Variants in DCAF8L2 observed in about 807,000 individuals in gnomAD.
DCAF8L2 encodes DDB1 and CUL4 associated factor 8 like 2.
For missense variants in DCAF8L2, 430 were observed against 490.7 expected (o/e 0.88, Z 1.17); for synonymous variants, 200 against 190.9 (o/e 1.05, Z -0.39).
At chrX:27,513,561 T>C in the DCAF8L2 span, among the ~76,000 whole-genome samples, 3 of 109,792 alleles carry the variant, frequency 2.7e-5, no homozygotes, top group Non-Finnish European at 5.7e-5. Flanking sequence ...AAAAATTAGC[T>C]GGGCGTGGTG....
At chrX:27,494,374 C>G in the DCAF8L2 span, among the ~76,000 whole-genome samples, 2 of 111,160 alleles carry the variant, frequency 1.8e-5, no homozygotes, top group African/African-American at 6.6e-5. Flanking sequence ...CCACTGCACT[C>G]TAGCCTGGGC....
At chrX:27,626,890 A>C (rs2147163976) in intron 1 of DCAF8L2, among the ~76,000 whole-genome samples, 1 of 111,757 alleles carries the variant, frequency 8.9e-6, no homozygotes, top group East Asian at 2.8e-4. Context: ...AAGGGACATA[A>C]ATTTGAATGT....
intron 2 of DCAF8L2, among the ~76,000 whole-genome samples, chrX:27,667,893 A>T (rs182755452): frequency 1.8e-5 from 2 of 112,405 alleles, no homozygotes; most frequent in East Asian, 5.6e-4. Context: ...AGACTTCTAT[A>T]GCATGAATTT....
At chrX:27,615,813 T>C (rs979044547) in intron 1 of DCAF8L2, among the ~76,000 whole-genome samples, 7 of 111,508 alleles carry the variant, frequency 6.3e-5, no homozygotes, top group African/African-American at 2.3e-4. Flanking sequence ...AGATCTACAA[T>C]GTCATTAAAA....
At chrX:27,743,443 T>G (rs1240941347) in intron 4 of DCAF8L2, among the ~76,000 whole-genome samples, 2 of 108,299 alleles carry the variant, frequency 1.8e-5, no homozygotes, top group Non-Finnish European at 3.8e-5. Context: ...CGTCACCCAG[T>G]CTGGAGTGCA....
chrX:27,653,932 A>G (rs1929251126), intron 2 of DCAF8L2, among the ~76,000 whole-genome samples: 1 of 111,744 alleles, frequency 8.9e-6, no homozygotes, highest in Non-Finnish European at 1.9e-5. Flanking sequence ...ATACAAATGC[A>G]GTGTCATGGG....
At chrX:27,471,010 T>C in the DCAF8L2 span, among the ~76,000 whole-genome samples, 1 of 111,623 alleles carries the variant, frequency 9.0e-6, no homozygotes, top group Non-Finnish European at 1.9e-5. Context: ...CCACATTCCC[T>C]GCTTGTGACA....
the DCAF8L2 span, among the ~76,000 whole-genome samples, chrX:27,556,695 A>C: frequency 8.9e-6 from 1 of 111,959 alleles, no homozygotes; most frequent in Non-Finnish European, 1.9e-5. Flanking sequence ...AAAATCACCC[A>C]AGCAAGTGTA....
chrX:27,554,872 C>G, the DCAF8L2 span, among the ~76,000 whole-genome samples: 1 of 111,517 alleles, frequency 9.0e-6, no homozygotes, highest in African/African-American at 3.3e-5. Flanking sequence ...CAGACATGCA[C>G]CAGAACAGAG....
upstream of DCAF8L2, among the ~76,000 whole-genome samples, chrX:27,589,084 A>G (rs1009900458): frequency 1.3e-4 from 12 of 92,468 alleles, no homozygotes; most frequent in Admixed American, 1.2e-3. Context: ...CTCAATCAGG[A>G]CAAGTTCTTA....
chrX:27,478,618 A>C, the DCAF8L2 span, among the ~76,000 whole-genome samples: 1 of 112,333 alleles, frequency 8.9e-6, no homozygotes, highest in African/African-American at 3.2e-5. Flanking sequence ...TTATTTTATC[A>C]TAAAATGTTA....
intron 1 of DCAF8L2, among the ~76,000 whole-genome samples, chrX:27,600,328 C>A (rs1019274190): frequency 1.8e-5 from 2 of 112,005 alleles, no homozygotes; most frequent in Non-Finnish European, 3.8e-5. Flanking sequence ...ATAAAATGAT[C>A]TGTATATCCT....
At chrX:27,497,176 CA>C in the DCAF8L2 span, among the ~76,000 whole-genome samples, 1 of 111,250 alleles carries the variant, frequency 9.0e-6, no homozygotes, top group South Asian at 3.8e-4. Context: ...CATGAAGCTA[CA>C]CGCGATAGAA....
chrX:27,635,366 C>T (rs1349632313), intron 2 of DCAF8L2, among the ~76,000 whole-genome samples: 1 of 111,022 alleles, frequency 9.0e-6, no homozygotes, highest in African/African-American at 3.3e-5. Context: ...TCTTAATACC[C>T]GCCCAAGGAA....
At chrX:27,488,413 T>C in the DCAF8L2 span, among the ~76,000 whole-genome samples, 6 of 111,643 alleles carry the variant, frequency 5.4e-5, no homozygotes, top group East Asian at 1.7e-3. Flanking sequence ...ACATATGATT[T>C]GTAAATGCTG....
chrX:27,623,889 T>TA (rs1927896084), intron 1 of DCAF8L2, among the ~76,000 whole-genome samples: 1 of 111,929 alleles, frequency 8.9e-6, no homozygotes, highest in African/African-American at 3.2e-5. Flanking sequence ...AATTGCTTCC[T>TA]AAAATGAAGG....
At chrX:27,589,184 A>G (rs1382260341), upstream of DCAF8L2, among the ~76,000 whole-genome samples, 1 of 111,751 alleles carries the variant, frequency 8.9e-6, no homozygotes, top group Admixed American at 9.5e-5. Context: ...TGCCTTGAAT[A>G]TACTAAACAA....
At chrX:27,677,170 A>G (rs1453323032) in intron 2 of DCAF8L2, 1 of 111,427 alleles carries the variant, frequency 9.0e-6, no homozygotes, top group East Asian at 2.8e-4. Flanking sequence ...TTCTCTGATA[A>G]AGGCGGTTGA....
At chrX:27,674,862 G>C (rs560679971) in intron 2 of DCAF8L2, among the ~76,000 whole-genome samples, 2 of 111,694 alleles carry the variant, frequency 1.8e-5, no homozygotes, top group African/African-American at 6.5e-5. Context: ...CAGAATTGAG[G>C]CTTTATTTGT....
Sources: gnomAD v4.1 joint callset for allele counts (sites outside exome capture counted in the v4.1 genomes callset) on GRCh38, gnomAD v4.1.1 for gene constraint, MANE v1.5 for transcripts, NCBI Gene and HGNC (gene_info 2026-07-23, HGNC 2026-07-21) for gene names.